The following EIF4G3 variants were observed in gnomAD, a reference collection of about 807,000 sequenced individuals.
EIF4G3 encodes the protein eukaryotic translation initiation factor 4 gamma 3.
A neutral mutation model predicts 186.4 loss-of-function variants in EIF4G3; 34 were observed. That is an observed-to-expected ratio of 0.18 (90% confidence interval 0.14 to 0.24). The LOEUF is 0.24. EIF4G3 is among the 10% of genes least tolerant of loss of function. EIF4G3 has a pLI of 1.00. For missense variants in EIF4G3, 1,536 were observed against 1,948.5 expected, an observed-to-expected ratio of 0.79 and a Z score of 3.99; for synonymous variants, 673 against 679.5, an observed-to-expected ratio of 0.99 and a Z score of 0.15.
In EIF4G3 at chr1:20,941,255, A is replaced by G. The variant is rs1392127003; in HGVS notation, c.1663+236T>C. The stretch of plus-strand genomic sequence containing the variant: ...CAAAACCCAACATGTTTCGTGACAT[A>G]TACCTTGGAGGCATTTTGTATATTT... On this transcript the variant is annotated intron_variant, in intron 14 of 36. Transcript: ENST00000602326. 3.9e-6 allele frequency: 6 copies of G among 1,547,720 alleles called. No individual in the cohort carries two copies. In the Admixed American group the frequency reaches 1.2e-4, roughly 31 times the overall value.
intron 29 of EIF4G3, among the ~76,000 whole-genome samples, chr1:20,848,991 G>T (rs1466605442): frequency 1.5e-5 from 2 of 136,206 alleles, no homozygotes; most frequent in African/African-American, 5.5e-5. Flanking sequence ...AGGTTGCAGT[G>T]AGCCGAGATC....
chr1:20,873,264 C>T (rs1313869599), intron 20 of EIF4G3, among the ~76,000 whole-genome samples: 2 of 152,148 alleles, frequency 1.3e-5, no homozygotes, highest in Non-Finnish European at 2.9e-5. Flanking sequence ...TTTATCCATT[C>T]TACTATCAAC....
chr1:21,063,372 C>A (rs2095034000), intron 3 of EIF4G3, among the ~76,000 whole-genome samples: 1 of 152,090 alleles, frequency 6.6e-6, no homozygotes, highest in African/African-American at 2.4e-5. Flanking sequence ...AATATTGATT[C>A]TGCTGAGAGA....
At chr1:21,024,278 C>G (rs1425797512) in intron 4 of EIF4G3, among the ~76,000 whole-genome samples, 2 of 151,578 alleles carry the variant, frequency 1.3e-5, no homozygotes, top group Non-Finnish European at 2.9e-5. Context: ...CGCCTCTGCC[C>G]GGCCGCCCCT....
At chr1:20,807,972 T>C (rs183984392) in intron 36 of EIF4G3, among the ~76,000 whole-genome samples, 1 of 150,654 alleles carries the variant, frequency 6.6e-6, no homozygotes, top group South Asian at 2.1e-4. Flanking sequence ...TACAGGCGCC[T>C]GCCTGGGTTG....
At chr1:20,849,367 C>T in intron 29 of EIF4G3, 48 bp downstream of exon 29, 1 of 1,053,184 alleles carries the variant, frequency 9.5e-7, no homozygotes. Context: ...TTATTCTATA[C>T]TATCAAAGGA....
Position 20,899,912 on chromosome 1 carries a change from T to C in EIF4G3, c.1784A>G (p.Lys595Arg). 6.2e-7 allele frequency: 1 copy of C among 1,613,476 alleles called. No individual in the cohort carries two copies. Among genetic ancestry groups the C allele is most frequent in the Non-Finnish European group, 8.5e-7 (1 of 1,179,892 alleles). Residue 595 changes from lysine to arginine, a missense_variant, in exon 16 of 37, where the codon AAA becomes AGA. Physicochemically the swap from Lys to Arg is conservative, Grantham distance 26. This residue lies in a region of EIF4G3 where 560 missense variants were observed against 547.8 expected (regional missense o/e 1.02). Coordinates refer to ENST00000602326, the MANE Select transcript of EIF4G3 (RefSeq NM_001391906.1). ...TTTATCTTGTTCAGATTCAAGTACT[T>C]TGTCAATGGAAAGCTCCTCTTCAGC... ...LKAEEELSID[K>R]VLESEQDKMS... is the part of the protein sequence containing the mutation.
intron 2 of EIF4G3, among the ~76,000 whole-genome samples, chr1:21,103,462 T>C (rs2096562120): frequency 6.6e-6 from 1 of 152,236 alleles, no homozygotes; most frequent in Non-Finnish European, 1.5e-5. Context: ...TGAGTGTGAT[T>C]CATTTTATCT....
intron 6 of EIF4G3, among the ~76,000 whole-genome samples, chr1:21,000,597 A>C (rs945256055): frequency 3.3e-5 from 5 of 152,140 alleles, no homozygotes; most frequent in Admixed American, 2.0e-4. Flanking sequence ...CCAGCACAAA[A>C]AAAAAACAAA....
rs549185144 is a variant in EIF4G3 at position 20,977,186 on chromosome 1, T to C, written c.493+3148A>G. 4.6e-5 allele frequency among the ~76,000 whole-genome samples: 7 copies of C among 152,162 alleles called. No homozygotes were observed. The South Asian group carries it at 1.5e-3, about 32-fold the overall frequency. On this transcript the variant is annotated intron_variant, in intron 10 of 36. Transcript: ENST00000602326. ...TTTCAACTTTATGCACTCTATATTA[T>C]TGAAATTTTTTTTTTTTTTAGATGG...
At chr1:21,174,666 C>T (rs2098065546) in intron 2 of EIF4G3, 1 of 152,188 alleles carries the variant, frequency 6.6e-6, no homozygotes, top group Admixed American at 6.5e-5. Context: ...AGTAGGCAAA[C>T]CAGCCAATCT....
At chr1:21,079,243 G>A (rs976726825) in intron 3 of EIF4G3, among the ~76,000 whole-genome samples, 1 of 152,064 alleles carries the variant, frequency 6.6e-6, no homozygotes, top group African/African-American at 2.4e-5. Context: ...TGAAATCCTA[G>A]CCTACTCAAT....
chr1:20,927,584 A>G (rs901929691), intron 14 of EIF4G3, among the ~76,000 whole-genome samples: 3 of 152,180 alleles, frequency 2.0e-5, no homozygotes, highest in African/African-American at 7.2e-5. Flanking sequence ...GATTGAACAG[A>G]TGGGTGAATA....
At chr1:21,032,419 A>G (rs1158562107) in intron 4 of EIF4G3, among the ~76,000 whole-genome samples, 2 of 152,218 alleles carry the variant, frequency 1.3e-5, no homozygotes, top group Non-Finnish European at 2.9e-5. Context: ...ATGTGAATCA[A>G]ACTTCAATGT....
intron 2 of EIF4G3, chr1:21,162,141 T>C (rs2097777784): frequency 6.5e-6 from 1 of 154,042 alleles, no homozygotes; most frequent in African/African-American, 2.4e-5. Context: ...TCCACTAAAG[T>C]TCTGAAATCA....
intron 4 of EIF4G3, among the ~76,000 whole-genome samples, chr1:21,006,566 T>A (rs1314050715): frequency 6.6e-6 from 1 of 152,234 alleles, no homozygotes; most frequent in Non-Finnish European, 1.5e-5. Flanking sequence ...TGCTTTTTAT[T>A]TGTTGGGGAG....
At position 20,933,525 on chromosome 1, in the gene EIF4G3, C is replaced by G. The variant is rs151000006; in HGVS notation, c.1663+7966G>C. On this transcript the variant is annotated intron_variant, in intron 14 of 36. Transcript: ENST00000602326. ...CAAAAATTATCCGGGCGTGGTGGTG[C>G]GCACCTGTAATCCCAGCTACTCAGG... Among the ~76,000 whole-genome samples, 803 of 151,950 alleles carry G rather than the reference C, an allele frequency of 5.3e-3. 11 individuals carry two copies. The highest frequency in any genetic ancestry group is 0.018 in the African/African-American group (757 of 41,448).
intron 20 of EIF4G3, among the ~76,000 whole-genome samples, chr1:20,878,458 T>C (rs2081450712): frequency 6.6e-6 from 1 of 152,168 alleles, no homozygotes; most frequent in Non-Finnish European, 1.5e-5. Context: ...TTCTTGGAAA[T>C]ACTTATTTTC....
intron 4 of EIF4G3, chr1:21,003,799 T>C: frequency 2.4e-6 from 1 of 424,626 alleles, no homozygotes; most frequent in Non-Finnish European, 4.6e-6. Context: ...AATTTGCCAA[T>C]GTAAATTGCC....
Sources: allele counts gnomAD v4.1 joint callset (sites outside exome capture counted in the v4.1 genomes callset), GRCh38; gene constraint gnomAD v4.1.1; regional missense constraint gnomAD v4.1.1; transcripts MANE v1.5; gene names NCBI Gene and HGNC (gene_info 2026-07-23, HGNC 2026-07-21).